Variants in KDELR3 observed in about 807,000 individuals in gnomAD.
KDELR3 encodes the protein KDEL endoplasmic reticulum protein retention receptor 3.
KDELR3 carries 26 observed loss-of-function variants against 22.7 expected under a neutral mutation model. That is an observed-to-expected ratio of 1.15 (90% confidence interval 0.84 to 1.59). The LOEUF is 1.59. KDELR3 is among the 40% of genes most tolerant of loss of function. The pLI, the probability that KDELR3 is intolerant of heterozygous loss-of-function variation, is 0.00. For synonymous variants in KDELR3, 120 were observed against 98.2 expected, an observed-to-expected ratio of 1.22 and a Z score of -1.31; for missense variants, 289 against 251.1, an observed-to-expected ratio of 1.15 and a Z score of -1.02.
At chr22:38,470,891 C>T (rs145129495) in intron 1 of KDELR3, among the ~76,000 whole-genome samples, 1 of 152,100 alleles carries the variant, frequency 6.6e-6, no homozygotes, top group Admixed American at 6.5e-5. Context: ...CACCTGTAAT[C>T]CCAGCACTTT....
At position 38,482,646 on chromosome 22, in the gene KDELR3, G is replaced by T; in HGVS notation, c.*110G>T. 2.0e-6 allele frequency: 2 copies of T among 975,702 alleles called. No homozygotes were observed. Among genetic ancestry groups the T allele is most frequent in the South Asian group, 2.8e-5 (2 of 71,120 alleles). 60.4% of individuals were successfully genotyped at this position (975,702 alleles called of 1,614,324 possible). On this transcript the variant is annotated 3_prime_UTR_variant, in exon 5 of 5. Coordinates refer to ENST00000216014, the MANE Select transcript of KDELR3 (RefSeq NM_006855.4). ...GGGATCAAATGTTAAAACCAGAAAAGTGTTTAGTGTGGATTTCAGCAAAAC... is the reference window on the plus strand; with the variant it reads ...GGGATCAAATGTTAAAACCAGAAAATTGTTTAGTGTGGATTTCAGCAAAAC...
At chr22:38,482,061 A>G (rs1049476584) in intron 4 of KDELR3, among the ~76,000 whole-genome samples, 5 of 152,216 alleles carry the variant, frequency 3.3e-5, no homozygotes, top group Admixed American at 2.0e-4. Flanking sequence ...CTTGCACTAC[A>G]TTCTGATTGC....
intron 4 of KDELR3, 76 bp downstream of exon 4, chr22:38,481,540 TACAG>T (rs768872914): frequency 2.5e-6 from 4 of 1,601,200 alleles, no homozygotes; most frequent in Non-Finnish European, 3.4e-6. Flanking sequence ...TTCCAGCAGA[TACAG>T]ATGTGAACAG....
At chr22:38,479,527 G>C in intron 2 of KDELR3, 66 bp from the exon 3 acceptor site, 1 of 1,448,480 alleles carries the variant, frequency 6.9e-7, no homozygotes, top group Non-Finnish European at 9.7e-7. Context: ...GGTAGGCTAG[G>C]AGCGTAGTAA....
At chr22:38,472,095 A>T (rs2089528768) in intron 1 of KDELR3, among the ~76,000 whole-genome samples, 2 of 152,210 alleles carry the variant, frequency 1.3e-5, no homozygotes, top group African/African-American at 4.8e-5. Context: ...CCCCTTATCC[A>T]CGGAGGATAT....
intron 2 of KDELR3, among the ~76,000 whole-genome samples, chr22:38,478,070 GATCAC>G: frequency 6.6e-6 from 1 of 152,248 alleles, no homozygotes; most frequent in South Asian, 2.1e-4. Context: ...CAGAGCATGT[GATCAC>G]GGGCTAAAAT....
chr22:38,468,237 A>G lies in KDELR3; in HGVS notation c.4A>G (p.Asn2Asp). Residue 2 changes from asparagine (N) to aspartate (D), a missense_variant, in exon 1 of 5, where the codon AAC (asparagine) becomes GAC (aspartate). Asn to Asp is a conservative substitution (Grantham distance 23). Coordinates refer to ENST00000216014, the MANE Select transcript of KDELR3 (RefSeq NM_006855.4). The part of the protein sequence containing the change: M[N>D]VFRILGDLSH... Reference sequence around the variant, plus strand: ...CGCACGACTGACTGGCTGGACCATGAACGTGTTCCGAATCCTCGGCGACCT... The same window carrying G: ...CGCACGACTGACTGGCTGGACCATGGACGTGTTCCGAATCCTCGGCGACCT... 1 of 1,613,684 alleles carries G rather than the reference A, an allele frequency of 6.2e-7. No individual in the cohort carries two copies. The highest frequency in any genetic ancestry group is 8.5e-7 in the Non-Finnish European group (1 of 1,179,868).
intron 4 of KDELR3, chr22:38,481,723 CAGAACTTATTACA>C: frequency 1.7e-6 from 2 of 1,205,372 alleles, no homozygotes; most frequent in Non-Finnish European, 2.2e-6. Flanking sequence ...AAAAACATTC[CAGAACTTATTACA>C]AGCCCCAAGG....
In KDELR3 at chr22:38,479,637, T is replaced by A. The variant is rs369236434; in HGVS notation, c.237T>A (p.Tyr79Ter). 1.9e-6 allele frequency: 3 copies of A among 1,614,086 alleles called. No homozygotes were observed. The South Asian group carries it at 3.3e-5, about 18-fold the overall frequency. ...LCAYVTVYMI[Y>*]GKFRKTFDSE... ...CCTATGTTACAGTGTACATGATATATGGGAAATTCCGTAAAACTTTTGACA... is the reference window on the plus strand; with the variant it reads ...CCTATGTTACAGTGTACATGATATAAGGGAAATTCCGTAAAACTTTTGACA... The change falls in exon 3 of 5, where the codon TAT (tyrosine) becomes TAA (stop). Residue 79 changes from tyrosine (Y) to a stop codon, truncating the protein, a stop_gained. Transcript: ENST00000216014. LOFTEE classifies it high-confidence loss of function.
At chr22:38,481,664 T>C in intron 4 of KDELR3, 200 bp downstream of exon 4, 1 of 1,416,784 alleles carries the variant, frequency 7.1e-7, no homozygotes, top group South Asian at 1.5e-5. Flanking sequence ...ATGTGTACTA[T>C]GCAAGACAGC....
At chr22:38,469,019 G>T (rs2145960788) in intron 1 of KDELR3, among the ~76,000 whole-genome samples, 1 of 152,366 alleles carries the variant, frequency 6.6e-6, no homozygotes, top group South Asian at 2.1e-4. Context: ...CATCCTCGTG[G>T]TGCCCTCCCT....
intron 3 of KDELR3, among the ~76,000 whole-genome samples, chr22:38,480,513 C>A (rs933010311): frequency 6.6e-6 from 1 of 151,744 alleles, no homozygotes; most frequent in Non-Finnish European, 1.5e-5. Flanking sequence ...TATTTTTGGC[C>A]GGGCACGGTG....
chr22:38,476,828 CTTTT>C (rs1256274094), intron 2 of KDELR3, among the ~76,000 whole-genome samples: 1 of 137,798 alleles, frequency 7.3e-6, no homozygotes, highest in African/African-American at 2.7e-5. Context: ...CTGGCCCCCC[CTTTT>C]TTTTTTTTTT....
Position 38,468,146 on chromosome 22 carries a change from C to T in KDELR3, c.-88C>T, listed in dbSNP as rs1250411579. 1.7e-6 allele frequency: 2 copies of T among 1,195,066 alleles called. No individual in the cohort carries two copies. The highest frequency in any genetic ancestry group is 2.4e-5 in the East Asian group (1 of 40,970). 74.0% of individuals were successfully genotyped at this position (1,195,066 alleles called of 1,614,324 possible). On this transcript the variant is annotated 5_prime_UTR_variant, in exon 1 of 5. Coordinates refer to ENST00000216014, the MANE Select transcript of KDELR3 (RefSeq NM_006855.4). ...GCAGGGCTCTGGGGCACCTAGAGAC[C>T]GGGGCCGGAGACGTGGCAGCCGCCC...
rs1438844512 is a variant in KDELR3, at chr22:38,472,588, GA to G, written c.92-1931del. Among the ~76,000 whole-genome samples, 4 of 152,190 alleles carry G rather than the reference GA, an allele frequency of 2.6e-5. No individual in the cohort carries two copies. The South Asian group carries it at 8.3e-4, about 31-fold the overall frequency. Reference sequence around the variant, plus strand: ...AGGAATGGAAAAAGGGCAGCAGTGGGAAAACTGGTGAAATCAGAATAAAGCC... The same window carrying G: ...AGGAATGGAAAAAGGGCAGCAGTGGGAAACTGGTGAAATCAGAATAAAGCC... On this transcript the variant is annotated intron_variant, in intron 1 of 4. Transcript: ENST00000216014.
Position 38,482,617 on chromosome 22 carries a change from A to G in KDELR3, c.*81A>G. 7.8e-7 allele frequency: 1 copy of G among 1,278,172 alleles called. No homozygotes were observed. The highest frequency in any genetic ancestry group is 1.1e-6 in the Non-Finnish European group (1 of 882,456). The allele number at this position is 1,278,172 out of a possible 1,614,324, so 79.2% of individuals were successfully genotyped here. A position where few individuals can be genotyped will look rare whatever the true frequency, so the allele number is the denominator to read the frequency against. On this transcript the variant is annotated 3_prime_UTR_variant, in exon 5 of 5. Transcript: ENST00000216014. Reference sequence around the variant, plus strand: ...TGTTCTCTTTGGCAACTTATCCATAATTTGGGATCAAATGTTAAAACCAGA... The same window carrying G: ...TGTTCTCTTTGGCAACTTATCCATAGTTTGGGATCAAATGTTAAAACCAGA...
chr22:38,480,662 A>G (rs1263914182), intron 3 of KDELR3, among the ~76,000 whole-genome samples: 1 of 151,984 alleles, frequency 6.6e-6, no homozygotes, highest in Admixed American at 6.6e-5. Flanking sequence ...CTGAGACAGG[A>G]GAATGGAGTG....
intron 3 of KDELR3, 62 bp from the exon 4 acceptor site, chr22:38,481,150 T>C: frequency 7.1e-7 from 1 of 1,412,590 alleles, no homozygotes; most frequent in Non-Finnish European, 9.7e-7. Context: ...GTAATTATGT[T>C]CTTTTAAGAT....
At chr22:38,474,792 T>C (rs933542183) in intron 2 of KDELR3, among the ~76,000 whole-genome samples, 169 bp downstream of exon 2, 1 of 152,030 alleles carries the variant, frequency 6.6e-6, no homozygotes, top group Non-Finnish European at 1.5e-5. Flanking sequence ...TATGTCAGTG[T>C]CCTCGTGCAA....
Sources: allele counts gnomAD v4.1 joint callset (sites outside exome capture counted in the v4.1 genomes callset), GRCh38; gene constraint gnomAD v4.1.1; transcripts MANE v1.5; gene names NCBI Gene and HGNC (gene_info 2026-07-23, HGNC 2026-07-21).